The following LARGE1 variants were observed in gnomAD, a reference collection of about 807,000 sequenced individuals.
The protein encoded by LARGE1 is xylosyl- and glucuronyltransferase LARGE1.
In LARGE1, 43 loss-of-function variants were observed where a neutral mutation model predicts 87.6. The ratio of observed to expected loss-of-function variants is 0.49; its 90% CI spans 0.38 to 0.63. The LOEUF (loss-of-function observed/expected upper bound fraction) is 0.63, where lower values mean the gene tolerates loss of function less well. LARGE1 is among the 30% of genes least tolerant of loss of function. LARGE1 has a pLI of 0.00. For missense variants in LARGE1, 802 were observed against 1,000.2 expected (o/e 0.80, Z 2.67); for synonymous variants, 434 against 394.6 (o/e 1.10, Z -1.18).
chr22:33,423,231 T>C (rs1387688191), intron 7 of LARGE1, among the ~76,000 whole-genome samples: 1 of 152,150 alleles, frequency 6.6e-6, no homozygotes, highest in Non-Finnish European at 1.5e-5. Context: ...CTATCCCAAA[T>C]ACAGGCACAG....
chr22:33,285,452 TG>T (rs951463764), intron 12 of LARGE1, among the ~76,000 whole-genome samples: 1 of 151,954 alleles, frequency 6.6e-6, no homozygotes, highest in Non-Finnish European at 1.5e-5. Context: ...GGTGAAACCC[TG>T]TCTCTACTAA....
chr22:33,405,012 A>G (rs1424003493), intron 7 of LARGE1, among the ~76,000 whole-genome samples: 3 of 152,190 alleles, frequency 2.0e-5, no homozygotes, highest in Non-Finnish European at 4.4e-5. Context: ...GGGGAAGAGG[A>G]GCATAAAGGA....
intron 1 of LARGE1, among the ~76,000 whole-genome samples, chr22:33,800,345 T>G (rs62225450): frequency 0.075 from 11,382 of 152,320 alleles, 527 homozygotes; most frequent in Admixed American, 0.11. Context: ...ATCAAAATCA[T>G]GAAAGTAACA....
chr22:33,612,221 A>C (rs2079453218), intron 4 of LARGE1, among the ~76,000 whole-genome samples: 1 of 150,830 alleles, frequency 6.6e-6, no homozygotes, highest in African/African-American at 2.5e-5. Context: ...CTCCTGCCTC[A>C]GCCTCCCATG....
intron 4 of LARGE1, among the ~76,000 whole-genome samples, chr22:33,611,643 T>C (rs1226096749): frequency 6.6e-6 from 1 of 152,194 alleles, no homozygotes; most frequent in African/African-American, 2.4e-5. Context: ...AAAAATGGAA[T>C]GAGTTAAGAC....
chr22:33,466,128 C>T (rs2068598203), intron 6 of LARGE1, among the ~76,000 whole-genome samples: 1 of 152,162 alleles, frequency 6.6e-6, no homozygotes. Flanking sequence ...GACTTTCCAC[C>T]CTTCCAAGAC....
chr22:33,914,067 C>A (rs2065714530), intron 1 of LARGE1, among the ~76,000 whole-genome samples: 1 of 152,268 alleles, frequency 6.6e-6, no homozygotes, highest in South Asian at 2.1e-4. Flanking sequence ...TCCTAAAATA[C>A]AGCACTCCTC....
intron 5 of LARGE1, among the ~76,000 whole-genome samples, chr22:33,568,998 C>T (rs1011408278): frequency 1.3e-5 from 2 of 152,056 alleles, no homozygotes; most frequent in African/African-American, 4.8e-5. Context: ...GTGTTCTTTC[C>T]CCAAACTACA....
At chr22:33,338,504 C>T (rs1938756289) in intron 9 of LARGE1, among the ~76,000 whole-genome samples, 1 of 152,172 alleles carries the variant, frequency 6.6e-6, no homozygotes, top group African/African-American at 2.4e-5. Flanking sequence ...GTAGTGCTTC[C>T]TGTACCAAGT....
the LARGE1 span, among the ~76,000 whole-genome samples, chr22:33,122,439 A>AC: frequency 6.7e-6 from 1 of 149,258 alleles, no homozygotes; most frequent in South Asian, 2.1e-4. Flanking sequence ...GTTCACTGCA[A>AC]CCTCTGCCTC....
chr22:33,917,081 G>A (rs1402859948), intron 1 of LARGE1, among the ~76,000 whole-genome samples: 1 of 152,186 alleles, frequency 6.6e-6, no homozygotes, highest in Non-Finnish European at 1.5e-5. Flanking sequence ...CAGAGTTCAA[G>A]GGAAAAGTAA....
chr22:33,072,889 C>T, the LARGE1 span, among the ~76,000 whole-genome samples: 2 of 152,214 alleles, frequency 1.3e-5, no homozygotes, highest in African/African-American at 4.8e-5. Flanking sequence ...GGCTGTCAAA[C>T]ACTGATCTAT....
chr22:33,479,505 G>A (rs1340466413), intron 6 of LARGE1, among the ~76,000 whole-genome samples: 1 of 152,142 alleles, frequency 6.6e-6, no homozygotes, highest in African/African-American at 2.4e-5. Flanking sequence ...ACAGTCAACA[G>A]GACTAGAACA....
At chr22:33,190,136 T>G (rs2146189355) in intron 11 of LARGE1, among the ~76,000 whole-genome samples, 1 of 151,364 alleles carries the variant, frequency 6.6e-6, no homozygotes, top group East Asian at 1.9e-4. Context: ...TAGCACTGTA[T>G]AAACAAAACA....
the LARGE1 span, among the ~76,000 whole-genome samples, chr22:33,084,044 C>G: frequency 2.6e-5 from 4 of 152,290 alleles, no homozygotes; most frequent in African/African-American, 9.6e-5. Flanking sequence ...CTTTTTGTCT[C>G]CCACATGAGT....
chr22:33,721,090 A>G (rs1440656625), intron 2 of LARGE1, among the ~76,000 whole-genome samples: 6 of 152,234 alleles, frequency 3.9e-5, no homozygotes, highest in African/African-American at 7.2e-5. Flanking sequence ...GTGGAATTCA[A>G]CAGTGTGGTG....
At chr22:33,698,060 C>T (rs2082304001) in intron 2 of LARGE1, among the ~76,000 whole-genome samples, 1 of 152,146 alleles carries the variant, frequency 6.6e-6, no homozygotes, top group Non-Finnish European at 1.5e-5. Flanking sequence ...TGCATGTGGA[C>T]AAACCCTTAC....
intron 3 of LARGE1, among the ~76,000 whole-genome samples, chr22:33,634,217 G>GT (rs2080195587): frequency 6.6e-6 from 1 of 152,168 alleles, no homozygotes. Flanking sequence ...AGGACATGGA[G>GT]TAAGTGGCTC....
chr22:33,508,126 G>C (rs2070853000), intron 6 of LARGE1, among the ~76,000 whole-genome samples: 1 of 152,178 alleles, frequency 6.6e-6, no homozygotes, highest in Non-Finnish European at 1.5e-5. Context: ...CTTTCACAGA[G>C]ATGAGCTTTG....
Sources: gnomAD v4.1 joint callset for allele counts (sites outside exome capture counted in the v4.1 genomes callset) on GRCh38, gnomAD v4.1.1 for gene constraint, MANE v1.5 for transcripts, NCBI Gene and HGNC (gene_info 2026-07-23, HGNC 2026-07-21) for gene names.